C4orf17: variants seen among roughly 807,000 people sequenced by gnomAD.
C4orf17 encodes chromosome 4 open reading frame 17.
In C4orf17, 25 loss-of-function variants were observed where a neutral mutation model predicts 32.0. That is an observed-to-expected ratio of 0.78 (90% CI 0.57 to 1.09). The LOEUF is 1.09. Ranked by LOEUF, C4orf17 falls within the 50% of genes least tolerant of loss-of-function variation. C4orf17 has a pLI of 0.00. For synonymous variants in C4orf17, 149 were observed against 145.8 expected (o/e 1.02, Z -0.16); for missense variants, 420 against 420.0 (o/e 1.00, Z 0.00).
At chr4:99,533,379 C>T (rs776872810) in intron 5 of C4orf17, among the ~76,000 whole-genome samples, 3 of 152,092 alleles carry the variant, frequency 2.0e-5, no homozygotes, top group Non-Finnish European at 4.4e-5. Context: ...AAAATATATA[C>T]AGAAATGATT....
chr4:99,523,198 T>A (rs551357471), intron 3 of C4orf17, among the ~76,000 whole-genome samples: 1 of 152,276 alleles, frequency 6.6e-6, no homozygotes, highest in South Asian at 2.1e-4. Flanking sequence ...TAGTAAACAA[T>A]TGAATTAATT....
chr4:99,519,191 G>A (rs1723245357), intron 2 of C4orf17: 1 of 152,306 alleles, frequency 6.6e-6, no homozygotes, highest in Non-Finnish European at 1.5e-5. Context: ...CAGATAAGGG[G>A]GCCAGGCCTT....
chr4:99,517,443 A>G (rs182346230), intron 2 of C4orf17, among the ~76,000 whole-genome samples: 1 of 152,296 alleles, frequency 6.6e-6, no homozygotes, highest in Admixed American at 6.5e-5. Context: ...GAAAGATAGA[A>G]ACAGGTTCTG....
chr4:99,532,419 G>A (rs12648614), intron 5 of C4orf17, among the ~76,000 whole-genome samples: 1 of 152,020 alleles, frequency 6.6e-6, no homozygotes, highest in Non-Finnish European at 1.5e-5. Flanking sequence ...CAGCTAGAGG[G>A]CATTATTCTA....
At chr4:99,534,077 C>A (rs1390922783) in intron 5 of C4orf17, among the ~76,000 whole-genome samples, 4 of 152,086 alleles carry the variant, frequency 2.6e-5, no homozygotes, top group African/African-American at 9.7e-5. Context: ...ACAGATTATC[C>A]CATCACCTAA....
intron 5 of C4orf17, among the ~76,000 whole-genome samples, chr4:99,533,766 TAAGAA>T (rs1723514607): frequency 6.6e-6 from 1 of 151,788 alleles, no homozygotes; most frequent in Admixed American, 6.6e-5. Flanking sequence ...GCTGGAGTTC[TAAGAA>T]ACCTTGAAAA....
At chr4:99,520,746 C>G (rs1723274510) in intron 2 of C4orf17, among the ~76,000 whole-genome samples, 1 of 152,174 alleles carries the variant, frequency 6.6e-6, no homozygotes, top group Admixed American at 6.5e-5. Flanking sequence ...CTTTGATTAA[C>G]ATTTGGTCCC....
At position 99,515,802 on chromosome 4, in the gene C4orf17, TA is replaced by T. The variant is rs200311006; in HGVS notation, c.127+2602del. 2.7e-4 allele frequency among the ~76,000 whole-genome samples: 41 copies of T among 150,742 alleles called. No homozygotes were observed. In the South Asian group the frequency reaches 3.6e-3, roughly 13 times the overall value. ...AATTAATTATTAAAAAAATTAAAAATAAAAAAAAGTCATGATACAAATAAAC... is the reference window on the plus strand; with the variant it reads ...AATTAATTATTAAAAAAATTAAAAATAAAAAAAGTCATGATACAAATAAAC... On this transcript the variant is annotated intron_variant, in intron 2 of 8. Transcript: ENST00000326581.
intron 6 of C4orf17, among the ~76,000 whole-genome samples, chr4:99,538,265 C>T (rs1298088901): frequency 2.0e-5 from 3 of 152,276 alleles, no homozygotes; most frequent in East Asian, 1.9e-4. Context: ...CATTCCCAAT[C>T]GGGACAATGA....
chr4:99,512,922 A>G lies in C4orf17; in HGVS notation c.-93-67A>G, dbSNP rs1446048138. 7.4e-6 allele frequency: 5 copies of G among 677,934 alleles called. No homozygotes were observed. The East Asian group carries it at 1.4e-4, about 19-fold the overall frequency. The allele number at this position is 677,934 out of a possible 1,614,324, so 42.0% of individuals were successfully genotyped here. ...TTTAGTTCAAGCAAAGAAGATGGAG[A>G]AATGTTTGATATATAAGAAAGTGAC... is the stretch of plus-strand genomic sequence containing the variant. On this transcript the variant is annotated intron_variant, in intron 1 of 8. Coordinates refer to ENST00000326581, the MANE Select transcript of C4orf17 (RefSeq NM_032149.3).
In C4orf17 at chr4:99,511,113, C is replaced by T. The variant is rs544774407; in HGVS notation, c.-253C>T. 3.9e-5 allele frequency: 6 copies of T among 152,184 alleles called. No homozygotes were observed. The highest frequency in any genetic ancestry group is 1.9e-4 in the East Asian group (1 of 5,176). 9.4% of individuals were successfully genotyped at this position (152,184 alleles called of 1,614,324 possible). ...ACAGCTGTATTCTTTTGGAAGCGTT[C>T]GAGATTGGTCTGTCTCTACCAACTA... is the stretch of plus-strand genomic sequence containing the variant. On this transcript the variant is annotated 5_prime_UTR_variant, in exon 1 of 9. Coordinates refer to ENST00000326581, the MANE Select transcript of C4orf17 (RefSeq NM_032149.3).
In C4orf17 at chr4:99,541,893, T is replaced by TG; in HGVS notation, c.881-17_881-16insG. 1 of 1,589,518 alleles carries TG rather than the reference T, an allele frequency of 6.3e-7. No homozygotes were observed. The highest frequency in any genetic ancestry group is 8.6e-7 in the Non-Finnish European group (1 of 1,162,516). Reference sequence around the variant, plus strand: ...GTCTCAATTATGGTCTTATTTAGATTTTTTTCTCTATTTCAGAGGCTGAGC... The same window carrying TG: ...GTCTCAATTATGGTCTTATTTAGATTGTTTTTCTCTATTTCAGAGGCTGAGC... On this transcript the variant is annotated splice_polypyrimidine_tract_variant and intron_variant, in intron 8 of 8. Coordinates refer to ENST00000326581, the MANE Select transcript of C4orf17 (RefSeq NM_032149.3).
chr4:99,526,414 T>C (rs1723388124), intron 4 of C4orf17, among the ~76,000 whole-genome samples: 1 of 152,220 alleles, frequency 6.6e-6, no homozygotes. Context: ...CATTCTTGTG[T>C]CTATGAGGAA....
chr4:99,520,897 TTATAAG>T (rs1723278142), intron 2 of C4orf17, among the ~76,000 whole-genome samples: 1 of 152,208 alleles, frequency 6.6e-6, no homozygotes, highest in Non-Finnish European at 1.5e-5. Flanking sequence ...TAAATTATAC[TTATAAG>T]TATAGATTAA....
intron 6 of C4orf17, among the ~76,000 whole-genome samples, chr4:99,538,422 A>C (rs1039052666): frequency 6.6e-6 from 1 of 152,230 alleles, no homozygotes; most frequent in African/African-American, 2.4e-5. Flanking sequence ...TGGTCTCAGC[A>C]CTACTCTTTG....
At chr4:99,535,654 A>C (rs751311558) in intron 5 of C4orf17, among the ~76,000 whole-genome samples, 1 of 152,104 alleles carries the variant, frequency 6.6e-6, no homozygotes, top group South Asian at 2.1e-4. Flanking sequence ...CATGATTCTT[A>C]GCTTCTTTAC....
intron 2 of C4orf17, among the ~76,000 whole-genome samples, chr4:99,519,907 G>C (rs1723255904): frequency 6.6e-6 from 1 of 152,080 alleles, no homozygotes; most frequent in African/African-American, 2.4e-5. Context: ...CAAGGAAAAT[G>C]GCTAGGTGAT....
intron 7 of C4orf17, 61 bp from the exon 8 acceptor site, chr4:99,540,351 C>A: frequency 8.4e-7 from 1 of 1,191,122 alleles, no homozygotes; most frequent in South Asian, 1.3e-5. Context: ...ACAGTGTAGT[C>A]TATAGAAAAT....
chr4:99,519,852 G>A (rs941035184), intron 2 of C4orf17, among the ~76,000 whole-genome samples: 2 of 152,108 alleles, frequency 1.3e-5, no homozygotes, highest in African/African-American at 4.8e-5. Flanking sequence ...AGAGAGGAAA[G>A]TCCAGCTAAG....
Sources: allele counts gnomAD v4.1 joint callset (sites outside exome capture counted in the v4.1 genomes callset), GRCh38; gene constraint gnomAD v4.1.1; transcripts MANE v1.5; gene names NCBI Gene and HGNC (gene_info 2026-07-23, HGNC 2026-07-21).